The following CNTN5 variants were observed in gnomAD, a reference collection of about 807,000 sequenced individuals.
CNTN5 encodes contactin-5.
CNTN5 carries 77 observed loss-of-function variants against 129.1 expected under a neutral mutation model. The ratio of observed to expected loss-of-function variants is 0.60; its 90% CI spans 0.50 to 0.72. The LOEUF (loss-of-function observed/expected upper bound fraction) is 0.72, where lower values mean the gene tolerates loss of function less well. Ranked by LOEUF, CNTN5 falls within the 30% of genes least tolerant of loss-of-function variation. The pLI is 0.00. For synonymous variants in CNTN5, 509 were observed against 465.6 expected (o/e 1.09, Z -1.20); for missense variants, 1,478 against 1,328.8 (o/e 1.11, Z -1.75).
In CNTN5 at chr11:100,341,163, C is replaced by T. The variant is rs201511284; in HGVS notation, c.2988C>T (p.Pro996=). The change falls in exon 23 of 25, where the codon CCC becomes CCT. Residue 996 remains proline (P), a synonymous_variant. Transcript: ENST00000524871. The part of the protein sequence containing the change: ...QGSQVSLGWE[P]VIPLANESEV... ...CTCAGGTTTCTCTGGGCTGGGAACC[C>T]GTCATACCATTAGCCAACGAATCTG... 1.4e-5 allele frequency: 23 copies of T among 1,613,724 alleles called. No individual in the cohort carries two copies. Among genetic ancestry groups the T allele is most frequent in the East Asian group, 2.2e-5 (1 of 44,894 alleles).
At chr11:100,152,223 T>A (rs1262173993) in intron 13 of CNTN5, among the ~76,000 whole-genome samples, 1 of 152,116 alleles carries the variant, frequency 6.6e-6, no homozygotes, top group Non-Finnish European at 1.5e-5. Flanking sequence ...GTGCGTTCTT[T>A]TAGGCTATGA....
At chr11:99,408,548 G>A (rs1464359301) in intron 2 of CNTN5, among the ~76,000 whole-genome samples, 1 of 151,036 alleles carries the variant, frequency 6.6e-6, no homozygotes, top group Non-Finnish European at 1.5e-5. Flanking sequence ...TGCCTGGGCT[G>A]ACCTCAAAAT....
At chr11:99,532,454 G>A (rs1157396712) in intron 2 of CNTN5, among the ~76,000 whole-genome samples, 2 of 152,138 alleles carry the variant, frequency 1.3e-5, no homozygotes, top group African/African-American at 4.8e-5. Context: ...GGACTGTTGG[G>A]AAGGTATGAT....
At chr11:99,231,476 G>A (rs1010689313) in intron 1 of CNTN5, among the ~76,000 whole-genome samples, 3 of 152,054 alleles carry the variant, frequency 2.0e-5, no homozygotes, top group African/African-American at 7.2e-5. Context: ...CGTGTCCTTT[G>A]CCCACTTTTT....
intron 15 of CNTN5, among the ~76,000 whole-genome samples, chr11:100,207,277 A>G (rs965271162): frequency 2.0e-5 from 3 of 152,146 alleles, no homozygotes; most frequent in African/African-American, 7.2e-5. Context: ...TCTTACAATT[A>G]ATGTTTAATT....
intron 3 of CNTN5, among the ~76,000 whole-genome samples, chr11:99,673,604 A>G (rs1388303948): frequency 6.6e-6 from 1 of 150,940 alleles, no homozygotes; most frequent in East Asian, 2.0e-4. Context: ...CCCACCATCC[A>G]CTCTCCTCTA....
At chr11:99,999,711 T>C (rs1939728041) in intron 8 of CNTN5, among the ~76,000 whole-genome samples, 1 of 152,224 alleles carries the variant, frequency 6.6e-6, no homozygotes, top group South Asian at 2.1e-4. Context: ...TGCACACGTA[T>C]GTTTATTGCA....
chr11:99,052,775 A>G (rs541126586), intron 1 of CNTN5, among the ~76,000 whole-genome samples: 7 of 151,958 alleles, frequency 4.6e-5, no homozygotes, highest in Non-Finnish European at 1.0e-4. Context: ...TGTAATAGAC[A>G]TGATGATAAT....
Position 99,586,199 on chromosome 11 carries a change from C to A in CNTN5, c.55+29930C>A, listed in dbSNP as rs1220327440. Among the ~76,000 whole-genome samples, 9 of 152,046 alleles carry A rather than the reference C, an allele frequency of 5.9e-5. No homozygotes were observed. In the South Asian group the frequency reaches 1.7e-3, roughly 28 times the overall value. ...ATCCTGAAATCTGCTGACTGATTAA[C>A]CCACTTCAATCCAGTCTTAGCTCTA... On this transcript the variant is annotated intron_variant, in intron 3 of 24. Coordinates refer to ENST00000524871, the MANE Select transcript of CNTN5 (RefSeq NM_014361.4).
At chr11:99,118,585 A>C (rs1858153239) in intron 1 of CNTN5, among the ~76,000 whole-genome samples, 1 of 152,130 alleles carries the variant, frequency 6.6e-6, no homozygotes, top group South Asian at 2.1e-4. Context: ...GAAAATATAT[A>C]GAATATAATT....
chr11:99,247,153 G>A (rs1414700452), intron 1 of CNTN5, among the ~76,000 whole-genome samples: 1 of 152,080 alleles, frequency 6.6e-6, no homozygotes, highest in Non-Finnish European at 1.5e-5. Context: ...ATAATTTTCT[G>A]GAGTTATTAG....
intron 13 of CNTN5, among the ~76,000 whole-genome samples, chr11:100,131,643 TA>T (rs200047536): frequency 6.6e-6 from 1 of 150,714 alleles, no homozygotes; most frequent in Admixed American, 6.6e-5. Flanking sequence ...AAAATGGAAA[TA>T]AAAAAAAGGC....
At chr11:100,000,960 A>G (rs764695724) in intron 8 of CNTN5, among the ~76,000 whole-genome samples, 1 of 152,124 alleles carries the variant, frequency 6.6e-6, no homozygotes, top group African/African-American at 2.4e-5. Flanking sequence ...GGCTGCACGG[A>G]GAAGTGGGGC....
intron 1 of CNTN5, among the ~76,000 whole-genome samples, chr11:99,193,165 G>C (rs79782075): frequency 1.3e-5 from 2 of 151,828 alleles, no homozygotes; most frequent in Admixed American, 6.6e-5. Context: ...TCAAATTCAC[G>C]TTTCTTATCA....
intron 3 of CNTN5, among the ~76,000 whole-genome samples, chr11:99,582,940 C>G (rs954704170): frequency 1.9e-4 from 29 of 152,068 alleles, no homozygotes; most frequent in African/African-American, 7.0e-4. Context: ...TTGTTTTTTC[C>G]CCATCTTTGT....
At chr11:100,223,001 T>TA (rs34378448) in intron 15 of CNTN5, among the ~76,000 whole-genome samples, 120,259 of 152,074 alleles carry the variant, frequency 0.79, 47,725 homozygotes, top group East Asian at 0.9. Flanking sequence ...TTTCCCCATT[T>TA]AAAAAAATCA....
At chr11:99,727,912 TA>T (rs1032625634) in intron 3 of CNTN5, among the ~76,000 whole-genome samples, 2 of 89,472 alleles carry the variant, frequency 2.2e-5, no homozygotes, top group African/African-American at 1.1e-4. Context: ...CTATTTTACA[TA>T]AAAAAAATTG....
At chr11:99,250,812 TG>T (rs1458042073) in intron 1 of CNTN5, among the ~76,000 whole-genome samples, 2 of 151,926 alleles carry the variant, frequency 1.3e-5, no homozygotes, top group African/African-American at 4.8e-5. Context: ...TTATTCTCTC[TG>T]GGGTCCAAGT....
At chr11:100,114,708 AG>A (rs1318481537) in intron 13 of CNTN5, among the ~76,000 whole-genome samples, 1 of 152,006 alleles carries the variant, frequency 6.6e-6, no homozygotes, top group Non-Finnish European at 1.5e-5. Context: ...AATAGTTAGA[AG>A]GCTATTCTTC....
Sources: gnomAD v4.1 joint callset for allele counts (sites outside exome capture counted in the v4.1 genomes callset) on GRCh38, gnomAD v4.1.1 for gene constraint, MANE v1.5 for transcripts, NCBI Gene and HGNC (gene_info 2026-07-23, HGNC 2026-07-21) for gene names.